Variants in MAST2 observed in about 807,000 individuals in gnomAD.
MAST2 encodes the protein microtubule associated serine/threonine kinase 2.
A neutral mutation model predicts 147.4 loss-of-function variants in MAST2; 70 were observed. The observed-to-expected ratio is 0.47, with a 90% confidence interval of 0.39 to 0.58. The LOEUF (loss-of-function observed/expected upper bound fraction) is 0.58, where lower values mean the gene tolerates loss of function less well. MAST2 is among the 20% of genes least tolerant of loss of function. MAST2 has a pLI of 0.00. For missense variants in MAST2, 2,080 were observed against 2,302.3 expected (o/e 0.90, Z 1.98); for synonymous variants, 869 against 896.8 (o/e 0.97, Z 0.55).
intron 5 of MAST2, among the ~76,000 whole-genome samples, chr1:45,994,988 G>A (rs573006120): frequency 1.3e-4 from 20 of 151,864 alleles, no homozygotes; most frequent in Admixed American, 3.9e-4. Context: ...ACAGGCGCCC[G>A]CCACCACGCC....
At chr1:45,893,196 ATTATTTAT>A (rs933994450) in intron 4 of MAST2, among the ~76,000 whole-genome samples, 1 of 151,862 alleles carries the variant, frequency 6.6e-6, no homozygotes, top group African/African-American at 2.4e-5. Flanking sequence ...TTCAGTTTTT[ATTATTTAT>A]TTATTTATTT....
rs149407287 is a variant in MAST2, at chr1:45,836,975, C to T, written c.468+7394C>T. 4.2e-4 allele frequency among the ~76,000 whole-genome samples: 64 copies of T among 152,248 alleles called. 1 individual carries two copies. Among genetic ancestry groups the T allele is most frequent in the Non-Finnish European group, 7.9e-4 (54 of 68,030 alleles). The stretch of plus-strand genomic sequence containing the variant: ...GCATTAGCTAGATTCTCATGAGGAG[C>T]GTGCAACCTAGATCCCTCGTATGCG... On this transcript the variant is annotated intron_variant, in intron 3 of 28. Coordinates refer to ENST00000361297, the MANE Select transcript of MAST2 (RefSeq NM_015112.3).
intron 9 of MAST2, among the ~76,000 whole-genome samples, chr1:46,009,243 T>C: frequency 6.6e-6 from 1 of 152,058 alleles, no homozygotes; most frequent in Non-Finnish European, 1.5e-5. Flanking sequence ...TTAGTAGAGA[T>C]GGGTTTTGCC....
At chr1:45,898,303 C>T (rs769401100) in intron 4 of MAST2, among the ~76,000 whole-genome samples, 33 of 152,274 alleles carry the variant, frequency 2.2e-4, no homozygotes, top group Non-Finnish European at 4.3e-4. Context: ...TTATGATCGC[C>T]TGTAAGCCAG....
At chr1:45,815,558 A>T (rs1002334683) in intron 1 of MAST2, among the ~76,000 whole-genome samples, 2 of 152,124 alleles carry the variant, frequency 1.3e-5, no homozygotes, top group African/African-American at 4.8e-5. Context: ...AAAGTCCTTA[A>T]GTTATTTCAT....
Position 46,028,936 on chromosome 1 carries a change from A to G in MAST2, c.2218+3A>G. 6.3e-7 allele frequency: 1 copy of G among 1,583,308 alleles called. No individual in the cohort carries two copies. Among genetic ancestry groups the G allele is most frequent in the Non-Finnish European group, 8.6e-7 (1 of 1,166,386 alleles). On this transcript the variant is annotated splice_donor_region_variant and intron_variant, in intron 18 of 28. Transcript: ENST00000361297. The stretch of plus-strand genomic sequence containing the variant: ...GCTCTTTGGGCAGGTGATCAGTGGT[A>G]GGTACTATGCCCCTGGCCCAGTGGG...
At chr1:45,902,436 G>C (rs552936877) in intron 4 of MAST2, among the ~76,000 whole-genome samples, 6 of 151,910 alleles carry the variant, frequency 3.9e-5, no homozygotes, top group Non-Finnish European at 8.8e-5. Flanking sequence ...ATATTGGCCT[G>C]TAGTTTTTTT....
intron 4 of MAST2, among the ~76,000 whole-genome samples, chr1:45,888,369 T>C (rs750808550): frequency 5.9e-5 from 9 of 152,150 alleles, no homozygotes; most frequent in South Asian, 2.1e-4. Flanking sequence ...TTTTATTTTA[T>C]TTTATTTTTT....
At chr1:45,922,419 T>C (rs903658560) in intron 4 of MAST2, among the ~76,000 whole-genome samples, 1 of 152,220 alleles carries the variant, frequency 6.6e-6, no homozygotes, top group Non-Finnish European at 1.5e-5. Flanking sequence ...AGGCCAGCAC[T>C]GGGCTGTCCT....
chr1:45,940,864 C>G (rs567044665), intron 4 of MAST2, among the ~76,000 whole-genome samples: 3 of 152,266 alleles, frequency 2.0e-5, no homozygotes, highest in African/African-American at 7.2e-5. Context: ...CATGATCCGC[C>G]CGCCTCAGCC....
intron 4 of MAST2, among the ~76,000 whole-genome samples, chr1:45,940,352 A>T (rs1306173092): frequency 6.6e-6 from 1 of 151,906 alleles, no homozygotes; most frequent in African/African-American, 2.4e-5. Flanking sequence ...CAAGTCTCAT[A>T]CTTCTTTTGT....
intron 1 of MAST2, among the ~76,000 whole-genome samples, chr1:45,804,845 C>A (rs1207220980): frequency 6.6e-6 from 1 of 152,114 alleles, no homozygotes; most frequent in Non-Finnish European, 1.5e-5. Flanking sequence ...CCACTAGTAG[C>A]GGTAATAAGT....
rs1644058480 is a variant in MAST2 at position 45,803,805 on chromosome 1, G to A, written c.-91G>A. 2.7e-6 allele frequency: 1 copy of A among 373,754 alleles called. No individual in the cohort carries two copies. Among genetic ancestry groups the A allele is most frequent in the Non-Finnish European group, 4.7e-6 (1 of 213,970 alleles). The allele number at this position is 373,754 out of a possible 1,614,324, so 23.2% of individuals were successfully genotyped here. A position where few individuals can be genotyped will look rare whatever the true frequency, so the allele number is the denominator to read the frequency against. On this transcript the variant is annotated 5_prime_UTR_variant, in exon 1 of 29. Coordinates refer to ENST00000361297, the MANE Select transcript of MAST2 (RefSeq NM_015112.3). ...GAGCCCGTCCGGCCATGGTGGCCGCGGGTGGTGGTTGGCGCGGCTGCGCTG... is the reference window on the plus strand; with the variant it reads ...GAGCCCGTCCGGCCATGGTGGCCGCAGGTGGTGGTTGGCGCGGCTGCGCTG...
chr1:46,032,080 C>T (rs538375532), intron 24 of MAST2, 98 bp from the exon 25 acceptor site: 1 of 931,358 alleles, frequency 1.1e-6, no homozygotes, highest in Non-Finnish European at 1.7e-6. Flanking sequence ...TAGGCTCAGG[C>T]TCTGTCTGTG....
At chr1:45,923,397 C>T (rs1653852384) in intron 4 of MAST2, among the ~76,000 whole-genome samples, 1 of 152,212 alleles carries the variant, frequency 6.6e-6, no homozygotes, top group Non-Finnish European at 1.5e-5. Context: ...TCTGATGAAC[C>T]ATATGCAATC....
intron 3 of MAST2, among the ~76,000 whole-genome samples, chr1:45,871,833 T>TTTAA (rs1335676456): frequency 2.6e-5 from 4 of 152,192 alleles, no homozygotes; most frequent in African/African-American, 9.7e-5. Flanking sequence ...ATTATGTGGG[T>TTTAA]TTAATTATGA....
intron 3 of MAST2, among the ~76,000 whole-genome samples, chr1:45,845,347 A>G (rs1645397967): frequency 6.6e-6 from 1 of 152,178 alleles, no homozygotes; most frequent in South Asian, 2.1e-4. Flanking sequence ...CTTTTTTGAA[A>G]TTGCAGAAAT....
intron 5 of MAST2, among the ~76,000 whole-genome samples, chr1:45,986,716 C>CAAAAA (rs201589013): frequency 3.3e-5 from 4 of 120,224 alleles, no homozygotes; most frequent in African/African-American, 6.4e-5. Context: ...GACTCCGTCT[C>CAAAAA]AAAAAAAAAA....
chr1:45,997,620 A>G, intron 5 of MAST2, 104 bp from the exon 6 acceptor site: 6 of 803,006 alleles, frequency 7.5e-6, no homozygotes, highest in Non-Finnish European at 1.3e-5. Flanking sequence ...TGAGAAAATA[A>G]CCATATAATT....
Sources: gnomAD v4.1 joint callset for allele counts (sites outside exome capture counted in the v4.1 genomes callset) on GRCh38, gnomAD v4.1.1 for gene constraint, MANE v1.5 for transcripts, NCBI Gene and HGNC (gene_info 2026-07-23, HGNC 2026-07-21) for gene names.